SLC43A2: variants seen among roughly 807,000 people sequenced by gnomAD.
SLC43A2 encodes the protein large neutral amino acids transporter small subunit 4.
In SLC43A2, 38 loss-of-function variants were observed where a neutral mutation model predicts 63.2. The observed-to-expected ratio is 0.60, with a 90% CI of 0.46 to 0.79. The LOEUF is 0.79. Ranked by LOEUF, SLC43A2 falls within the 30% of genes least tolerant of loss-of-function variation. The probability of loss-of-function intolerance (pLI) is 0.00; values close to 1 mark genes in which losing one functional copy is unlikely to be tolerated. For missense variants in SLC43A2, 644 were observed against 756.2 expected (o/e 0.85, Z 1.74); for synonymous variants, 322 against 331.0 (o/e 0.97, Z 0.30).
intron 5 of SLC43A2, among the ~76,000 whole-genome samples, chr17:1,597,295 G>C (rs551687681): frequency 3.4e-4 from 50 of 149,218 alleles, no homozygotes; most frequent in African/African-American, 1.2e-3. Flanking sequence ...ACAAGATCAG[G>C]AGTTCAAGAC....
intron 11 of SLC43A2, among the ~76,000 whole-genome samples, chr17:1,581,504 C>A (rs561734465): frequency 1.3e-5 from 2 of 152,184 alleles, no homozygotes; most frequent in Non-Finnish European, 2.9e-5. Flanking sequence ...ACAGTTCCCA[C>A]GGTGGGGCAC....
Position 1,583,355 on chromosome 17 carries a change from T to C in SLC43A2, c.1218-19A>G. On this transcript the variant is annotated intron_variant, in intron 10 of 13. Coordinates refer to ENST00000301335, the MANE Select transcript of SLC43A2 (RefSeq NM_152346.3). This position sits in a 1 kb window ranked among gnomAD's most constrained non-coding sequence, Gnocchi z 5.5. ...CTCGCCTCTGTGGAGACACAGAACG[T>C]GCAGGGGTGGGAGGGCTCCCCGGAG... is the stretch of plus-strand genomic sequence containing the variant. 1 of 1,613,164 alleles carries C rather than the reference T, an allele frequency of 6.2e-7. No individual in the cohort carries two copies. The highest frequency in any genetic ancestry group is 8.5e-7 in the Non-Finnish European group (1 of 1,179,266).
At chr17:1,612,405 T>C (rs1907202870) in intron 5 of SLC43A2, among the ~76,000 whole-genome samples, 1 of 152,202 alleles carries the variant, frequency 6.6e-6, no homozygotes, top group Non-Finnish European at 1.5e-5. Flanking sequence ...GGCGACTGTC[T>C]GTGCCCGGGC....
chr17:1,579,011 G>C (rs1371287262), intron 11 of SLC43A2, among the ~76,000 whole-genome samples: 4 of 151,806 alleles, frequency 2.6e-5, no homozygotes, highest in Admixed American at 2.6e-4. Flanking sequence ...CGTGGTGGTG[G>C]GCACCTGTAA....
At chr17:1,625,092 T>G (rs564714471) in intron 2 of SLC43A2, among the ~76,000 whole-genome samples, 1 of 152,276 alleles carries the variant, frequency 6.6e-6, no homozygotes, top group East Asian at 1.9e-4. Context: ...ACTGGTCTCC[T>G]GCCCTCACCA....
chr17:1,612,685 A>G (rs1907231237), intron 5 of SLC43A2, among the ~76,000 whole-genome samples: 1 of 152,226 alleles, frequency 6.6e-6, no homozygotes, highest in Non-Finnish European at 1.5e-5. Context: ...AAGGCAGGGA[A>G]TGTCGGCCAG....
chr17:1,601,999 C>G (rs527280463), intron 5 of SLC43A2, among the ~76,000 whole-genome samples: 1 of 151,924 alleles, frequency 6.6e-6, no homozygotes, highest in Non-Finnish European at 1.5e-5. Context: ...TGCACTGAGA[C>G]TACCCCAGAC....
intron 2 of SLC43A2, among the ~76,000 whole-genome samples, chr17:1,618,927 T>C (rs1011706685): frequency 1.3e-5 from 2 of 151,976 alleles, no homozygotes; most frequent in South Asian, 4.1e-4. Flanking sequence ...GAGGCTGCAG[T>C]GAGCCAAGAT....
chr17:1,589,092 T>C (rs1223529491), intron 9 of SLC43A2, among the ~76,000 whole-genome samples: 1 of 152,236 alleles, frequency 6.6e-6, no homozygotes, highest in Non-Finnish European at 1.5e-5. Context: ...AACCAGTGCC[T>C]CGTCTGCCAC....
intron 5 of SLC43A2, among the ~76,000 whole-genome samples, chr17:1,600,942 G>A (rs547931721): frequency 6.6e-6 from 1 of 151,394 alleles, no homozygotes; most frequent in East Asian, 1.9e-4. Flanking sequence ...TTTTACCCTT[G>A]AGATTTTACC....
chr17:1,586,927 A>ATCCCCCCCCCCCCCCCCC (rs1567616918), intron 9 of SLC43A2: 1 of 1,355,942 alleles, frequency 7.4e-7, no homozygotes, highest in Admixed American at 2.0e-5. Flanking sequence ...TTCCCTGACA[A>ATCCCCCCCCCCCCCCCCC]TCCCCCCCAC....
rs2075967464 is a variant in SLC43A2, at chr17:1,578,585, TG to T, written c.1351-263del. The T allele has an allele frequency of 4.3e-6, 2 of 461,732 alleles. No individual in the cohort carries two copies. Among genetic ancestry groups the T allele is most frequent in the African/African-American group, 3.9e-5 (2 of 50,888 alleles). The allele number at this position is 461,732 out of a possible 1,614,324, so 28.6% of individuals were successfully genotyped here. A position where few individuals can be genotyped will look rare whatever the true frequency, so the allele number is the denominator to read the frequency against. On this transcript the variant is annotated intron_variant, in intron 11 of 13. Coordinates refer to ENST00000301335, the MANE Select transcript of SLC43A2 (RefSeq NM_152346.3). The surrounding 1 kb of genome is among the most constrained non-coding windows in gnomAD (Gnocchi z 6.5). ...CTTTGTCGCCCAGGCTGGAGTGCAG[TG>T]GCGTGATCTTGGCTCACTGCAAGCT...
At chr17:1,600,962 C>T (rs182626056) in intron 5 of SLC43A2, among the ~76,000 whole-genome samples, 1 of 151,680 alleles carries the variant, frequency 6.6e-6, no homozygotes, top group East Asian at 1.9e-4. Flanking sequence ...CTAGAGATAC[C>T]GAAAGAAAAG....
chr17:1,582,204 C>T lies in SLC43A2; in HGVS notation c.1350+1000G>A, dbSNP rs573706406. Among the ~76,000 whole-genome samples, 247 of 150,954 alleles carry T rather than the reference C, an allele frequency of 1.6e-3. 1 individual carries two copies. Among genetic ancestry groups the T allele is most frequent in the Non-Finnish European group, 3.0e-3 (200 of 67,678 alleles). On this transcript the variant is annotated intron_variant, in intron 11 of 13. Coordinates refer to ENST00000301335, the MANE Select transcript of SLC43A2 (RefSeq NM_152346.3). Reference sequence around the variant, plus strand: ...AAATGATTCTCCTGCCTCAGCCTCCCGAGTAGCTGGGATTACAGGAGTGTG... The same window carrying T: ...AAATGATTCTCCTGCCTCAGCCTCCTGAGTAGCTGGGATTACAGGAGTGTG...
At chr17:1,628,942 AG>A (rs1028829559), upstream of SLC43A2, 3 of 152,210 alleles carry the variant, frequency 2.0e-5, no homozygotes, top group South Asian at 2.1e-4. Context: ...ATCAGCAGCC[AG>A]CCCCCCGCCC....
chr17:1,575,068 G>GT lies in SLC43A2; in HGVS notation c.*535_*536insA, dbSNP rs766667564. The GT allele has an allele frequency of 1.4e-3, 227 of 167,536 alleles. No homozygotes were observed. Among genetic ancestry groups the GT allele is most frequent in the Non-Finnish European group, 2.3e-3 (174 of 75,858 alleles). 10.4% of individuals were successfully genotyped at this position (167,536 alleles called of 1,614,324 possible). ...GCAGGCCCTGGACAGGCGACAGGGG[G>GT]CTGGAATTACAAAGGAATTAGCACC... On this transcript the variant is annotated 3_prime_UTR_variant, in exon 14 of 14. Transcript: ENST00000301335.
intron 12 of SLC43A2, among the ~76,000 whole-genome samples, 164 bp from the exon 13 acceptor site, chr17:1,576,884 A>T (rs1211307128): frequency 7.1e-6 from 1 of 139,956 alleles, no homozygotes; most frequent in Admixed American, 7.0e-5. Context: ...TTTTTTTTTA[A>T]GATGGAGTCT....
intron 2 of SLC43A2, among the ~76,000 whole-genome samples, chr17:1,619,342 C>T (rs188695871): frequency 8.0e-4 from 121 of 152,186 alleles, no homozygotes; most frequent in Admixed American, 5.9e-3. Flanking sequence ...AACAATGGCA[C>T]CAGATCACAA....
chr17:1,586,905 G>T, intron 9 of SLC43A2: 1 of 1,529,464 alleles, frequency 6.5e-7, no homozygotes, highest in Non-Finnish European at 8.7e-7. Flanking sequence ...GCTGGGAGGG[G>T]ACATCACAGC....
Sources: allele counts gnomAD v4.1 joint callset (sites outside exome capture counted in the v4.1 genomes callset), GRCh38; gene constraint gnomAD v4.1.1; non-coding constraint Gnocchi (gnomAD v3.1); transcripts MANE v1.5; gene names NCBI Gene and HGNC (gene_info 2026-07-23, HGNC 2026-07-21).